Variants in SEL1L observed in about 807,000 individuals in gnomAD.
SEL1L encodes the protein SEL1L adaptor subunit of SYVN1 ubiquitin ligase.
SEL1L carries 52 observed loss-of-function variants against 109.8 expected under a neutral mutation model. That is an observed-to-expected ratio of 0.47 (90% CI 0.38 to 0.60). The LOEUF (loss-of-function observed/expected upper bound fraction) is 0.60, where lower values mean the gene tolerates loss of function less well. Ranked by LOEUF, SEL1L falls within the 20% of genes least tolerant of loss-of-function variation. The pLI, the probability that SEL1L is intolerant of heterozygous loss-of-function variation, is 0.00. For synonymous variants in SEL1L, 373 were observed against 339.6 expected, an observed-to-expected ratio of 1.10 and a Z score of -1.08; for missense variants, 749 against 962.2, an observed-to-expected ratio of 0.78 and a Z score of 2.93.
chr14:81,528,685 T>A (rs984276104), intron 1 of SEL1L, among the ~76,000 whole-genome samples: 5 of 152,182 alleles, frequency 3.3e-5, no homozygotes, highest in African/African-American at 1.2e-4. Flanking sequence ...GGAGTGAGTT[T>A]CAGTTTTACC....
At chr14:81,495,041 C>T in intron 11 of SEL1L, 40 bp downstream of exon 11, 1 of 1,586,808 alleles carries the variant, frequency 6.3e-7, no homozygotes, top group South Asian at 1.1e-5. Flanking sequence ...TCATTTCCTG[C>T]TAAAACTGAG....
rs1464153970 is a variant in SEL1L at position 81,533,678 on chromosome 14, A to C, written c.67T>G (p.Ser23Ala). ...GCCCGAGGGGGCGGATACTGACCCG[A>C]GGACGCCGAGGCCAAGCTCAGCAGC... ...AVLLSLASAS[S>A]DEEGSQDESL... is the part of the protein sequence containing the mutation. The change falls in exon 1 of 21, where the codon TCG (serine) becomes GCG (alanine). Residue 23 changes from serine (S) to alanine (A), a missense_variant. Transcript: ENST00000336735. The C allele has an allele frequency of 6.2e-7, 1 of 1,612,816 alleles. No individual in the cohort carries two copies. Among genetic ancestry groups the C allele is most frequent in the Admixed American group, 1.7e-5 (1 of 59,958 alleles).
intron 3 of SEL1L, among the ~76,000 whole-genome samples, chr14:81,515,333 C>A (rs765357468): frequency 1.3e-5 from 2 of 152,222 alleles, no homozygotes; most frequent in African/African-American, 2.4e-5. Flanking sequence ...GGCAAACCTT[C>A]GATCTCACTT....
At chr14:81,496,132 G>C (rs1883737527) in intron 10 of SEL1L, among the ~76,000 whole-genome samples, 3 of 151,962 alleles carry the variant, frequency 2.0e-5, no homozygotes, top group Non-Finnish European at 4.4e-5. Flanking sequence ...GACCATCCTG[G>C]ATAACATGGT....
At chr14:81,477,229 C>G (rs1236206124) in intron 20 of SEL1L, 48 bp from the exon 21 acceptor site, 4 of 1,479,336 alleles carry the variant, frequency 2.7e-6, no homozygotes, top group Non-Finnish European at 3.8e-6. Flanking sequence ...AAATGTCAGG[C>G]AAGGAACTGG....
intron 19 of SEL1L, among the ~76,000 whole-genome samples, chr14:81,480,705 G>A (rs1903325926): frequency 6.6e-6 from 1 of 152,142 alleles, no homozygotes; most frequent in African/African-American, 2.4e-5. Flanking sequence ...GTGACAGAGT[G>A]AGACCCTGTT....
chr14:81,498,682 C>T, intron 8 of SEL1L, 188 bp from the exon 9 acceptor site: 1 of 522,638 alleles, frequency 1.9e-6, no homozygotes, highest in Non-Finnish European at 3.4e-6. Flanking sequence ...AAGGCCATAG[C>T]TAAGAGCAAG....
chr14:81,495,922 C>A (rs912711330), intron 10 of SEL1L, among the ~76,000 whole-genome samples: 6 of 151,486 alleles, frequency 4.0e-5, no homozygotes, highest in Admixed American at 3.9e-4. Context: ...GGTGACAGAG[C>A]AAGACTTTGT....
intron 3 of SEL1L, among the ~76,000 whole-genome samples, chr14:81,523,286 A>C (rs1228988499): frequency 6.6e-6 from 1 of 152,156 alleles, no homozygotes. Context: ...ATCAACGCGC[A>C]ATGATTTAAT....
In SEL1L at chr14:81,472,426, A is replaced by C. The variant is rs1903038792; in HGVS notation, c.*4546T>G. 1 of 224,026 alleles carries C rather than the reference A, an allele frequency of 4.5e-6. No homozygotes were observed. The highest frequency in any genetic ancestry group is 5.2e-5 in the South Asian group (1 of 19,246). 13.9% of individuals were successfully genotyped at this position (224,026 alleles called of 1,614,324 possible). A position where few individuals can be genotyped will look rare whatever the true frequency, so the allele number is the denominator to read the frequency against. On this transcript the variant is annotated 3_prime_UTR_variant, in exon 21 of 21. Transcript: ENST00000336735. Reference sequence around the variant, plus strand: ...TTACCTCTTTGAGTTGCCTGCTGGGAAGCTGGGGGCCAAATTTGTAGCCCA... The same window carrying C: ...TTACCTCTTTGAGTTGCCTGCTGGGCAGCTGGGGGCCAAATTTGTAGCCCA...
rs1189848048 is a variant in SEL1L, at chr14:81,479,605, CACTT to C, written c.2175+3_2175+6del. The C allele has an allele frequency of 1.2e-6, 2 of 1,601,966 alleles. No homozygotes were observed. Among genetic ancestry groups the C allele is most frequent in the African/African-American group, 2.7e-5 (2 of 74,102 alleles). On this transcript the variant is annotated splice_donor_5th_base_variant and intron_variant, in intron 20 of 20. Coordinates refer to ENST00000336735, the MANE Select transcript of SEL1L (RefSeq NM_005065.6). ...TATTTTAATGAAAAGAGGTACGGAC[CACTT>C]ACGTTTGTTTCCCGTATGTACTGCA...
chr14:81,508,056 A>G (rs1203340947), intron 3 of SEL1L, among the ~76,000 whole-genome samples: 2 of 152,218 alleles, frequency 1.3e-5, no homozygotes, highest in Non-Finnish European at 2.9e-5. Context: ...TATGGTGCCT[A>G]TCACTTTAGG....
chr14:81,472,653 C>T lies in SEL1L; in HGVS notation c.*4319G>A. ...ATCAGGCTAAAGTGAATCACGCTTA[C>T]TACATATCAAGGCTGCTTCAAGACA... On this transcript the variant is annotated 3_prime_UTR_variant, in exon 21 of 21. Coordinates refer to ENST00000336735, the MANE Select transcript of SEL1L (RefSeq NM_005065.6). The T allele has an allele frequency of 2.4e-6, 1 of 420,788 alleles. No homozygotes were observed. Among genetic ancestry groups the T allele is most frequent in the Non-Finnish European group, 4.6e-6 (1 of 216,938 alleles). 26.1% of individuals were successfully genotyped at this position (420,788 alleles called of 1,614,324 possible). A position where few individuals can be genotyped will look rare whatever the true frequency, so the allele number is the denominator to read the frequency against.
chr14:81,484,642 G>T, intron 18 of SEL1L: 1 of 360,634 alleles, frequency 2.8e-6, no homozygotes, highest in Admixed American at 3.8e-5. Flanking sequence ...GTGTGTGTAG[G>T]GGGACAGGTT....
chr14:81,499,741 T>C lies in SEL1L; in HGVS notation c.778-79A>G, dbSNP rs1883924331. On this transcript the variant is annotated intron_variant, in intron 6 of 20. Coordinates refer to ENST00000336735, the MANE Select transcript of SEL1L (RefSeq NM_005065.6). ...ACAGACACAGACAGACACAGTTTTA[T>C]ATACTATGAAAAAATGCAAGAGTCT... 3.5e-6 allele frequency: 4 copies of C among 1,127,952 alleles called. No individual in the cohort carries two copies. In the East Asian group the frequency reaches 7.2e-5, roughly 20 times the overall value. 69.9% of individuals were successfully genotyped at this position (1,127,952 alleles called of 1,614,324 possible).
rs1213108415 is a variant in SEL1L at position 81,485,767 on chromosome 14, T to C, written c.1799-21A>G. On this transcript the variant is annotated intron_variant, in intron 17 of 20. Coordinates refer to ENST00000336735, the MANE Select transcript of SEL1L (RefSeq NM_005065.6). ...TTCTCCTACAGGAAAAGAAATGAAA[T>C]ACAAATCAGGCATTTAAGAAAAGGC... is the stretch of plus-strand genomic sequence containing the variant. 2.5e-6 allele frequency: 4 copies of C among 1,606,138 alleles called. No homozygotes were observed. The East Asian group carries it at 6.7e-5, about 27-fold the overall frequency.
intron 3 of SEL1L, among the ~76,000 whole-genome samples, chr14:81,518,838 G>A (rs1009474070): frequency 2.6e-5 from 4 of 152,038 alleles, no homozygotes; most frequent in African/African-American, 9.7e-5. Flanking sequence ...ACTACTATCT[G>A]GGTCTTATTG....
Position 81,479,554 on chromosome 14 carries a change from C to G in SEL1L, c.2175+58G>C. The G allele has an allele frequency of 4.5e-6, 7 of 1,554,572 alleles. No individual in the cohort carries two copies. In the Admixed American group the frequency reaches 9.8e-5, roughly 22 times the overall value. ...GCTTCTCAACTTTTGAAAAACAAAC[C>G]TCCAGGACAGACCTTCCATCATTTA... On this transcript the variant is annotated intron_variant, in intron 20 of 20. Coordinates refer to ENST00000336735, the MANE Select transcript of SEL1L (RefSeq NM_005065.6).
chr14:81,518,854 T>C (rs1444134832), intron 3 of SEL1L, among the ~76,000 whole-genome samples: 29 of 152,090 alleles, frequency 1.9e-4, no homozygotes. Context: ...TATTGGTAAC[T>C]CTGCTATAAA....
Sources: allele counts gnomAD v4.1 joint callset (sites outside exome capture counted in the v4.1 genomes callset), GRCh38; gene constraint gnomAD v4.1.1; transcripts MANE v1.5; gene names NCBI Gene and HGNC (gene_info 2026-07-23, HGNC 2026-07-21).